Variants in TMCO1 observed in about 807,000 individuals in gnomAD.
The protein encoded by TMCO1 is transmembrane and coiled-coil domains 1.
Under a neutral mutation model 29.3 loss-of-function variants are expected in TMCO1, and 29 were observed. The observed-to-expected ratio is 0.99, with a 90% CI of 0.74 to 1.35. TMCO1 has a LOEUF of 1.35. Among genes scored for constraint, TMCO1 ranks in the 40% most tolerant of loss-of-function variants. TMCO1 has a pLI of 0.00. For missense variants in TMCO1, 173 were observed against 225.5 expected, an observed-to-expected ratio of 0.77 and a Z score of 1.49; for synonymous variants, 80 against 77.1, an observed-to-expected ratio of 1.04 and a Z score of -0.20.
At chr1:165,765,365 C>A (rs542382324) in intron 2 of TMCO1, among the ~76,000 whole-genome samples, 2 of 152,294 alleles carry the variant, frequency 1.3e-5, no homozygotes, top group South Asian at 4.1e-4. Flanking sequence ...CTCACTGCAA[C>A]TTCCGCCTCC....
chr1:165,757,315 G>A (rs1357238248), intron 3 of TMCO1, among the ~76,000 whole-genome samples: 1 of 152,192 alleles, frequency 6.6e-6, no homozygotes, highest in Non-Finnish European at 1.5e-5. Context: ...GCGAAATACA[G>A]TAAAAGCGTT....
At chr1:165,767,588 T>C (rs1652618442) in intron 2 of TMCO1, among the ~76,000 whole-genome samples, 1 of 152,228 alleles carries the variant, frequency 6.6e-6, no homozygotes, top group Non-Finnish European at 1.5e-5. Context: ...CTTTCCCCAT[T>C]TCATTCTCTA....
At chr1:165,753,472 C>CAAAAAAAAA (rs35980344) in intron 4 of TMCO1, among the ~76,000 whole-genome samples, 1 of 47,756 alleles carries the variant, frequency 2.1e-5, no homozygotes, top group Non-Finnish European at 3.5e-5. Context: ...GACTCTGTCT[C>CAAAAAAAAA]AAAAAAAAAA....
intron 3 of TMCO1, among the ~76,000 whole-genome samples, chr1:165,758,854 C>T (rs537280869): frequency 4.9e-4 from 75 of 152,240 alleles, no homozygotes; most frequent in African/African-American, 1.7e-3. Context: ...ATAGTCTAAT[C>T]GCATGGAATT....
chr1:165,759,573 T>C lies in TMCO1; in HGVS notation c.160A>G (p.Lys54Glu), dbSNP rs1256737415. 3 of 1,612,734 alleles carry C rather than the reference T, an allele frequency of 1.9e-6. No homozygotes were observed. The highest frequency in any genetic ancestry group is 1.7e-5 in the Admixed American group (1 of 59,986). ...EKQSKKLEKK[K>E]ETITESAGRQ... Reference sequence around the variant, plus strand: ...CCAGCTGACTCTGTTATTGTTTCCTTCTTCTTTTCCACTGTAAACAACATA... The same window carrying C: ...CCAGCTGACTCTGTTATTGTTTCCTCCTTCTTTTCCACTGTAAACAACATA... Residue 54 changes from lysine (K) to glutamate (E), a missense_variant, in exon 3 of 7, where the codon AAG becomes GAG. By Grantham distance (56) the Lys-to-Glu change is moderately conservative. Transcript: ENST00000367881.
At chr1:165,741,291 C>A (rs1651585205) in intron 6 of TMCO1, among the ~76,000 whole-genome samples, 1 of 152,190 alleles carries the variant, frequency 6.6e-6, no homozygotes, top group Non-Finnish European at 1.5e-5. Flanking sequence ...TTTCATCCCT[C>A]TTTTCACTGT....
At chr1:165,753,972 G>A (rs1652095115) in intron 4 of TMCO1, among the ~76,000 whole-genome samples, 1 of 152,078 alleles carries the variant, frequency 6.6e-6, no homozygotes, top group African/African-American at 2.4e-5. Flanking sequence ...AACATAAGAG[G>A]GAACTAAGAA....
chr1:165,731,164 G>A (rs1162169794), intron 6 of TMCO1, among the ~76,000 whole-genome samples: 1 of 152,120 alleles, frequency 6.6e-6, no homozygotes, highest in Non-Finnish European at 1.5e-5. Context: ...CTCCCAAAGT[G>A]CTGGAATTAC....
At chr1:165,756,152 T>C (rs562814575) in intron 3 of TMCO1, among the ~76,000 whole-genome samples, 2 of 152,266 alleles carry the variant, frequency 1.3e-5, no homozygotes, top group East Asian at 1.9e-4. Flanking sequence ...TTTTCACAAG[T>C]ATCTCAAGCA....
chr1:165,764,024 C>T (rs1479530711), intron 2 of TMCO1, among the ~76,000 whole-genome samples: 5 of 152,200 alleles, frequency 3.3e-5, no homozygotes, highest in Admixed American at 2.6e-4. Context: ...TTGTAGATAC[C>T]AGTGAAGCTC....
intron 5 of TMCO1, among the ~76,000 whole-genome samples, chr1:165,747,936 A>G (rs181949323): frequency 1.3e-5 from 2 of 152,340 alleles, no homozygotes; most frequent in Non-Finnish European, 2.9e-5. Flanking sequence ...AGGCAGGCAG[A>G]TCACCTGAGG....
chr1:165,766,582 G>A (rs1652577970), intron 2 of TMCO1, among the ~76,000 whole-genome samples: 2 of 152,194 alleles, frequency 1.3e-5, no homozygotes, highest in South Asian at 4.1e-4. Flanking sequence ...GAGCCCAGGA[G>A]TTTGAGATCA....
intron 3 of TMCO1, among the ~76,000 whole-genome samples, chr1:165,755,454 G>A (rs2101809888): frequency 6.6e-6 from 1 of 152,270 alleles, no homozygotes; most frequent in Admixed American, 6.5e-5. Context: ...GCTGAGGTAG[G>A]AGGATTGCTT....
intron 6 of TMCO1, among the ~76,000 whole-genome samples, chr1:165,729,307 G>C (rs6670705): frequency 0.56 from 83,858 of 149,536 alleles, 23,717 homozygotes; most frequent in South Asian, 0.72. Flanking sequence ...AACATACTTT[G>C]TTCTCATAAT....
At chr1:165,729,319 C>CTTTTTT (rs11298819) in intron 6 of TMCO1, among the ~76,000 whole-genome samples, 1 of 133,790 alleles carries the variant, frequency 7.5e-6, no homozygotes, top group Non-Finnish European at 1.6e-5. Flanking sequence ...TCTCATAATT[C>CTTTTTT]TTTTTTTTTT....
intron 4 of TMCO1, among the ~76,000 whole-genome samples, chr1:165,753,782 G>A (rs1294989082): frequency 6.6e-6 from 1 of 152,040 alleles, no homozygotes; most frequent in African/African-American, 2.4e-5. Context: ...CTGCATTCCA[G>A]CATGGTTGAC....
chr1:165,732,534 T>C (rs1651211345), intron 6 of TMCO1, among the ~76,000 whole-genome samples: 1 of 150,722 alleles, frequency 6.6e-6, no homozygotes, highest in Non-Finnish European at 1.5e-5. Flanking sequence ...CATACACATA[T>C]AAAATATAGT....
At chr1:165,742,325 T>C (rs141233972) in intron 6 of TMCO1, among the ~76,000 whole-genome samples, 28 of 152,160 alleles carry the variant, frequency 1.8e-4, no homozygotes, top group African/African-American at 4.3e-4. Context: ...TCCAGTGATG[T>C]AATCAAGTCT....
At chr1:165,758,159 C>T (rs1395654192) in intron 3 of TMCO1, among the ~76,000 whole-genome samples, 1 of 152,174 alleles carries the variant, frequency 6.6e-6, no homozygotes, top group Non-Finnish European at 1.5e-5. Context: ...CCTTCCTCCT[C>T]CCTGACACTC....
Sources: allele counts gnomAD v4.1 joint callset (sites outside exome capture counted in the v4.1 genomes callset), GRCh38; gene constraint gnomAD v4.1.1; transcripts MANE v1.5; gene names NCBI Gene and HGNC (gene_info 2026-07-23, HGNC 2026-07-21).